The following PPP2R2D variants were observed in gnomAD, a reference collection of about 807,000 sequenced individuals.
PPP2R2D encodes serine/threonine-protein phosphatase 2A 55 kDa regulatory subunit B delta isoform.
A neutral mutation model predicts 31.1 loss-of-function variants in PPP2R2D; 9 were observed. The ratio of observed to expected loss-of-function variants is 0.29; its 90% CI spans 0.17 to 0.51. The LOEUF (loss-of-function observed/expected upper bound fraction) is 0.51, where lower values mean the gene tolerates loss of function less well. Ranked by LOEUF, PPP2R2D falls within the 20% of genes least tolerant of loss-of-function variation. The pLI is 0.98. For missense variants in PPP2R2D, 391 were observed against 465.6 expected (o/e 0.84, Z 1.48); for synonymous variants, 179 against 172.6 (o/e 1.04, Z -0.29).
Position 131,947,570 on chromosome 10 carries a change from C to T in PPP2R2D, c.861C>T (p.Phe287=). 1.2e-6 allele frequency: 2 copies of T among 1,614,190 alleles called. No individual in the cohort carries two copies. Among genetic ancestry groups the T allele is most frequent in the African/African-American group, 2.7e-5 (2 of 75,040 alleles). ...EPEDPSSRSF[F]SEIISSISDV... ...AAGATCCCAGCAGTAGGTCCTTCTT[C>T]TCAGAAATAATTTCATCCATATCCG... Residue 287 remains phenylalanine, a synonymous_variant, in exon 8 of 9, where the codon TTC becomes TTT. Transcript: ENST00000455566. This position sits in a 1 kb window ranked among gnomAD's most constrained non-coding sequence, Gnocchi z 4.3.
chr10:131,912,596 A>G (rs62644532), intron 2 of PPP2R2D: 105,722 of 152,256 alleles, frequency 0.69, 37,388 homozygotes, highest in African/African-American at 0.84. Context: ...TGCCCCTTGA[A>G]ATGTAAGTAC....
chr10:131,956,193 C>T lies in PPP2R2D; in HGVS notation c.*230C>T, dbSNP rs549040411. ...GGAGACGCTCTCGAAGCAGAGTTGA[C>T]GGACACTGCTCCCAAAAGGTCATTA... On this transcript the variant is annotated 3_prime_UTR_variant, in exon 9 of 9. Transcript: ENST00000455566. 9.3e-5 allele frequency: 113 copies of T among 1,215,680 alleles called. No homozygotes were observed. Among genetic ancestry groups the T allele is most frequent in the African/African-American group, 1.4e-4 (9 of 64,276 alleles). 75.3% of individuals were successfully genotyped at this position (1,215,680 alleles called of 1,614,324 possible).
chr10:131,913,173 A>G (rs1589924157), intron 2 of PPP2R2D, among the ~76,000 whole-genome samples: 2 of 144,978 alleles, frequency 1.4e-5, no homozygotes, highest in African/African-American at 5.1e-5. Context: ...GGATGCCACC[A>G]TGCCCGGCTA....
intron 6 of PPP2R2D, among the ~76,000 whole-genome samples, chr10:131,944,756 G>A (rs564942260): frequency 9.2e-5 from 14 of 152,292 alleles, no homozygotes; most frequent in African/African-American, 3.4e-4. Flanking sequence ...GGTGAAACTG[G>A]GACTGCTAGT....
Position 131,945,177 on chromosome 10 carries a change from T to C in PPP2R2D, c.656-118T>C, listed in dbSNP as rs2036512336. 6.7e-6 allele frequency: 8 copies of C among 1,198,740 alleles called. No individual in the cohort carries two copies. The highest frequency in any genetic ancestry group is 9.2e-6 in the Non-Finnish European group (8 of 871,042). 74.3% of individuals were successfully genotyped at this position (1,198,740 alleles called of 1,614,324 possible). Reference sequence around the variant, plus strand: ...CGGGATGTGTAACCAGCCTTCTTAATAGCTAATCCCTTAAACCTCACTGCG... The same window carrying C: ...CGGGATGTGTAACCAGCCTTCTTAACAGCTAATCCCTTAAACCTCACTGCG... On this transcript the variant is annotated intron_variant, in intron 6 of 8. Transcript: ENST00000455566. This position sits in a 1 kb window ranked among gnomAD's most constrained non-coding sequence, Gnocchi z 4.8.
chr10:131,921,132 G>A (rs943445139), intron 2 of PPP2R2D, among the ~76,000 whole-genome samples: 11 of 152,172 alleles, frequency 7.2e-5, no homozygotes, highest in Non-Finnish European at 1.0e-4. Flanking sequence ...AGTGATGATC[G>A]TTTCTGTATA....
At chr10:131,917,874 GAC>G (rs1554893483) in intron 2 of PPP2R2D, among the ~76,000 whole-genome samples, 1 of 131,184 alleles carries the variant, frequency 7.6e-6, no homozygotes. Flanking sequence ...CGGGTGGAAT[GAC>G]ACAGTGTTTG....
rs1418824629 is a variant in PPP2R2D, at chr10:131,906,094, A to G, written c.100+4764A>G. 2.6e-5 allele frequency among the ~76,000 whole-genome samples: 4 copies of G among 152,218 alleles called. No homozygotes were observed. In the South Asian group the frequency reaches 6.2e-4, roughly 24 times the overall value. On this transcript the variant is annotated intron_variant, in intron 2 of 8. Coordinates refer to ENST00000455566, the MANE Select transcript of PPP2R2D (RefSeq NM_018461.5). ...AAGTAAGTGAAACACCTGCACGTCA[A>G]GCAAGTGCTGCAGCACCTTTGCCTG...
chr10:131,927,174 T>C (rs2036123134), intron 2 of PPP2R2D, among the ~76,000 whole-genome samples: 1 of 151,506 alleles, frequency 6.6e-6, no homozygotes, highest in Admixed American at 6.6e-5. Context: ...GTGGGGTGAG[T>C]GGCTGGGGTG....
chr10:131,971,396 T>C, the PPP2R2D span: 1 of 203,516 alleles, frequency 4.9e-6, no homozygotes, highest in Non-Finnish European at 1.0e-5. Flanking sequence ...GAAGGGACAC[T>C]GTATAGTGAG....
chr10:131,914,320 A>C (rs1554892782), intron 2 of PPP2R2D, among the ~76,000 whole-genome samples: 1 of 152,222 alleles, frequency 6.6e-6, no homozygotes, highest in Non-Finnish European at 1.5e-5. Flanking sequence ...TGATCACACC[A>C]CTGCATTCCA....
intron 3 of PPP2R2D, among the ~76,000 whole-genome samples, chr10:131,938,488 C>G (rs1184913312): frequency 6.6e-6 from 1 of 152,214 alleles, no homozygotes; most frequent in African/African-American, 2.4e-5. Context: ...AAGGAGAATG[C>G]TCGGGATACA....
intron 2 of PPP2R2D, among the ~76,000 whole-genome samples, chr10:131,916,768 CAG>C (rs1491152424): frequency 3.4e-5 from 5 of 147,422 alleles, no homozygotes; most frequent in African/African-American, 1.3e-4. Flanking sequence ...TGGAATGACA[CAG>C]TGTAGGGACC....
chr10:131,948,874 C>T (rs1232314723), intron 8 of PPP2R2D, among the ~76,000 whole-genome samples: 1 of 152,196 alleles, frequency 6.6e-6, no homozygotes, highest in Admixed American at 6.5e-5. Flanking sequence ...CCTCCACTGG[C>T]AGATAGGGTC....
downstream of PPP2R2D, among the ~76,000 whole-genome samples, chr10:131,961,116 T>C (rs1350688755): frequency 6.6e-6 from 1 of 152,120 alleles, no homozygotes; most frequent in Non-Finnish European, 1.5e-5. Flanking sequence ...CTGGTGGAGC[T>C]GCAAGGGCCC....
At chr10:131,939,083 C>T (rs897875669) in intron 3 of PPP2R2D, among the ~76,000 whole-genome samples, 2 of 150,924 alleles carry the variant, frequency 1.3e-5, no homozygotes, top group African/African-American at 4.9e-5. Flanking sequence ...CGGCAGGCTG[C>T]ATTCAGCAGA....
chr10:131,942,783 CAT>C (rs1239222077), intron 5 of PPP2R2D, among the ~76,000 whole-genome samples: 1 of 152,178 alleles, frequency 6.6e-6, no homozygotes, highest in African/African-American at 2.4e-5. Context: ...TTGCAGCTAT[CAT>C]ATGTTTTGAT....
downstream of PPP2R2D, among the ~76,000 whole-genome samples, chr10:131,964,664 ATGTTTTTTTT>A (rs2036957563): frequency 7.9e-6 from 1 of 126,752 alleles, no homozygotes; most frequent in Non-Finnish European, 1.6e-5. Context: ...AGAGTTTACT[ATGTTTTTTTT>A]TTTTTTTTTT....
At chr10:131,944,210 G>A (rs988907871) in intron 6 of PPP2R2D, 65 bp downstream of exon 6, 138 of 1,373,662 alleles carry the variant, frequency 1.0e-4, no homozygotes, top group Middle Eastern at 2.5e-4. Flanking sequence ...AATTTCTCTC[G>A]TCCCTTTATA....
Sources: gnomAD v4.1 joint callset for allele counts (sites outside exome capture counted in the v4.1 genomes callset) on GRCh38, gnomAD v4.1.1 for gene constraint, Gnocchi (gnomAD v3.1) non-coding constraint, MANE v1.5 for transcripts, NCBI Gene and HGNC (gene_info 2026-07-23, HGNC 2026-07-21) for gene names.